The following STIM1 variants were observed in gnomAD, a reference collection of about 807,000 sequenced individuals.
STIM1 encodes stromal interaction molecule 1.
A neutral mutation model predicts 74.7 loss-of-function variants in STIM1; 25 were observed. The ratio of observed to expected loss-of-function variants is 0.33; its 90% CI spans 0.24 to 0.47. STIM1 has a LOEUF of 0.47. Among genes scored for constraint, STIM1 ranks in the 20% least tolerant of loss-of-function variants. The pLI, the probability that STIM1 is intolerant of heterozygous loss-of-function variation, is 1.00. For synonymous variants in STIM1, 328 were observed against 348.8 expected, an observed-to-expected ratio of 0.94 and a Z score of 0.66; for missense variants, 728 against 920.8, an observed-to-expected ratio of 0.79 and a Z score of 2.71.
intron 1 of STIM1, among the ~76,000 whole-genome samples, chr11:3,925,980 G>T (rs920257828): frequency 3.3e-5 from 5 of 152,092 alleles, no homozygotes; most frequent in African/African-American, 1.2e-4. Context: ...CTTATTGTTT[G>T]AACCAATTAG....
At chr11:4,001,856 G>C (rs1330552257) in intron 2 of STIM1, among the ~76,000 whole-genome samples, 2 of 140,348 alleles carry the variant, frequency 1.4e-5, no homozygotes, top group Non-Finnish European at 3.0e-5. Context: ...CACGTGCAGA[G>C]ACACACATAG....
chr11:3,878,302 C>T (rs761827025), intron 1 of STIM1, among the ~76,000 whole-genome samples: 9 of 152,182 alleles, frequency 5.9e-5, no homozygotes, highest in Non-Finnish European at 1.3e-4. Context: ...TTTCTTTAAT[C>T]TTCACAACAA....
At chr11:3,878,124 T>C (rs1217650190) in intron 1 of STIM1, among the ~76,000 whole-genome samples, 1 of 152,158 alleles carries the variant, frequency 6.6e-6, no homozygotes, top group Non-Finnish European at 1.5e-5. Flanking sequence ...GGGTCCTGGC[T>C]GTGTCCTCAT....
At chr11:3,895,734 C>T (rs1320577362) in intron 1 of STIM1, among the ~76,000 whole-genome samples, 1 of 36,050 alleles carries the variant, frequency 2.8e-5, no homozygotes. Context: ...TTCTTTCTTT[C>T]TTTTTCTTTC....
chr11:3,956,022 GA>G (rs57545786), intron 1 of STIM1, among the ~76,000 whole-genome samples: 3,281 of 123,260 alleles, frequency 0.027, 107 homozygotes, highest in African/African-American at 0.087. Context: ...TGAAGTTATA[GA>G]AAAAAAAAAA....
intron 3 of STIM1, among the ~76,000 whole-genome samples, chr11:4,047,635 A>G (rs531676933): frequency 9.2e-5 from 14 of 151,728 alleles, no homozygotes; most frequent in Non-Finnish European, 2.1e-4. Context: ...AAAACAAAAC[A>G]AAACAAAGAC....
chr11:4,000,368 G>A (rs2093703548), intron 2 of STIM1, among the ~76,000 whole-genome samples: 2 of 151,844 alleles, frequency 1.3e-5, no homozygotes, highest in African/African-American at 2.4e-5. Flanking sequence ...CACATGGCCA[G>A]GTACTCCTCT....
chr11:3,863,538 A>C (rs1428430662), intron 1 of STIM1, among the ~76,000 whole-genome samples: 1 of 152,152 alleles, frequency 6.6e-6, no homozygotes, highest in African/African-American at 2.4e-5. Context: ...GATTACAGGC[A>C]TGAGCCACTG....
chr11:3,945,715 G>C (rs1412461806), intron 1 of STIM1, among the ~76,000 whole-genome samples: 1 of 152,166 alleles, frequency 6.6e-6, no homozygotes, highest in African/African-American at 2.4e-5. Context: ...ATAGTTCTTA[G>C]CACAGGTGTA....
At chr11:3,976,445 T>G (rs2093449373) in intron 2 of STIM1, among the ~76,000 whole-genome samples, 1 of 152,214 alleles carries the variant, frequency 6.6e-6, no homozygotes, top group East Asian at 1.9e-4. Flanking sequence ...ATGGCCTAAC[T>G]GTTCTGTGTC....
intron 3 of STIM1, among the ~76,000 whole-genome samples, chr11:4,043,690 GC>G (rs1252686499): frequency 6.6e-6 from 1 of 152,108 alleles, no homozygotes; most frequent in Admixed American, 6.6e-5. Flanking sequence ...TGTGTACAAA[GC>G]TTTTTTTTTA....
intron 3 of STIM1, among the ~76,000 whole-genome samples, chr11:4,038,003 G>T (rs2094117750): frequency 6.6e-6 from 1 of 150,760 alleles, no homozygotes; most frequent in African/African-American, 2.4e-5. Flanking sequence ...GTTGCTTTAG[G>T]AGATAAAAGA....
chr11:3,972,368 T>C (rs1257217920), intron 2 of STIM1, among the ~76,000 whole-genome samples: 2 of 152,240 alleles, frequency 1.3e-5, no homozygotes, highest in African/African-American at 4.8e-5. Flanking sequence ...CTTGCACTAT[T>C]ACCCCAGTAC....
chr11:3,861,994 A>G (rs2090631083), intron 1 of STIM1, among the ~76,000 whole-genome samples: 1 of 152,142 alleles, frequency 6.6e-6, no homozygotes, highest in Admixed American at 6.5e-5. Context: ...CCTTTGTGGA[A>G]AATGATTCTT....
At chr11:3,884,785 A>AT (rs1000568929) in intron 1 of STIM1, among the ~76,000 whole-genome samples, 1 of 150,950 alleles carries the variant, frequency 6.6e-6, no homozygotes, top group African/African-American at 2.4e-5. Context: ...CCATCTCAAA[A>AT]AAAAAAAAAG....
chr11:3,965,093 G>A (rs967090288), intron 1 of STIM1, among the ~76,000 whole-genome samples: 2 of 152,162 alleles, frequency 1.3e-5, no homozygotes, highest in African/African-American at 2.4e-5. Context: ...CTAGAACAGG[G>A]TTCAACAAAC....
chr11:4,062,588 C>T lies in STIM1; in HGVS notation c.613+3192C>T, dbSNP rs2094338684. On this transcript the variant is annotated intron_variant, in intron 5 of 12. Transcript: ENST00000526596. ...AGTGAGCCAAGATCGTGCCACTGCA[C>T]TCCAGCCTGGGTGACAGGGTGAGAC... Among the ~76,000 whole-genome samples the T allele has an allele frequency of 2.0e-5, 3 of 152,216 alleles. No homozygotes were observed. The South Asian group carries it at 6.2e-4, about 32-fold the overall frequency.
At position 4,065,658 on chromosome 11, in the gene STIM1, G is replaced by A. The variant is rs115294423; in HGVS notation, c.614-4368G>A. 2.9e-3 allele frequency among the ~76,000 whole-genome samples: 438 copies of A among 152,252 alleles called. 4 individuals carry two copies. The highest frequency in any genetic ancestry group is 9.7e-3 in the African/African-American group (403 of 41,540). On this transcript the variant is annotated intron_variant, in intron 5 of 12. Transcript: ENST00000526596. ...CTGGGCCTCTCCAGACTACAGAAGTGAGGGGATTTGGGAGAAGAATCTGGC... is the reference window on the plus strand; with the variant it reads ...CTGGGCCTCTCCAGACTACAGAAGTAAGGGGATTTGGGAGAAGAATCTGGC...
intron 3 of STIM1, among the ~76,000 whole-genome samples, chr11:4,047,353 C>T (rs1048225738): frequency 7.9e-5 from 12 of 152,076 alleles, no homozygotes; most frequent in Admixed American, 6.5e-4. Flanking sequence ...CAGTAGCTCA[C>T]GTCTGTAATC....
Sources: allele counts gnomAD v4.1 joint callset (sites outside exome capture counted in the v4.1 genomes callset), GRCh38; gene constraint gnomAD v4.1.1; transcripts MANE v1.5; gene names NCBI Gene and HGNC (gene_info 2026-07-23, HGNC 2026-07-21).